The following DCAF1 variants were observed in gnomAD, a reference collection of about 807,000 sequenced individuals.
DCAF1 encodes DDB1- and CUL4-associated factor 1.
Under a neutral mutation model 128.0 loss-of-function variants are expected in DCAF1, and 15 were observed. The ratio of observed to expected loss-of-function variants is 0.12; its 90% confidence interval spans 0.08 to 0.18. The LOEUF (loss-of-function observed/expected upper bound fraction) is 0.18, where lower values mean the gene tolerates loss of function less well. Among genes scored for constraint, DCAF1 ranks in the 10% least tolerant of loss-of-function variants. The pLI is 1.00. For missense variants in DCAF1, 988 were observed against 1,649.5 expected (o/e 0.60, Z 6.95); for synonymous variants, 610 against 603.0 (o/e 1.01, Z -0.17).
intron 22 of DCAF1, 66 bp from the exon 23 acceptor site, chr3:51,412,546 C>G (rs1476432949): frequency 3.1e-6 from 5 of 1,604,424 alleles, no homozygotes; most frequent in Non-Finnish European, 4.2e-6. Flanking sequence ...CACGCCTCAG[C>G]CCTGACTGGT....
chr3:51,485,115 A>G (rs1430508676), intron 2 of DCAF1, among the ~76,000 whole-genome samples: 1 of 152,062 alleles, frequency 6.6e-6, no homozygotes, highest in African/African-American at 2.4e-5. Context: ...GGGTTTCACC[A>G]TGTTGGTCAG....
chr3:51,432,796 A>G (rs1700506845), intron 10 of DCAF1, among the ~76,000 whole-genome samples: 1 of 152,178 alleles, frequency 6.6e-6, no homozygotes, highest in Non-Finnish European at 1.5e-5. Flanking sequence ...TCATTGCACT[A>G]AGACATCGGA....
chr3:51,396,226 TA>T (rs1310544034), downstream of DCAF1: 6 of 303,678 alleles, frequency 2.0e-5, no homozygotes, highest in Non-Finnish European at 3.8e-5. Context: ...GGAAACATGC[TA>T]GAAAACGTGC....
chr3:51,440,768 C>T (rs1701287408), intron 9 of DCAF1, among the ~76,000 whole-genome samples: 1 of 151,880 alleles, frequency 6.6e-6, no homozygotes, highest in African/African-American at 2.4e-5. Flanking sequence ...CAGCCATGCA[C>T]GGTAGCATGT....
At chr3:51,453,117 A>C (rs570500822) in intron 6 of DCAF1, among the ~76,000 whole-genome samples, 1 of 152,310 alleles carries the variant, frequency 6.6e-6, no homozygotes, top group Admixed American at 6.5e-5. Context: ...ATCCATATTA[A>C]AAATTTTTTA....
intron 3 of DCAF1, among the ~76,000 whole-genome samples, chr3:51,473,504 A>AC (rs1559555052): frequency 6.7e-6 from 1 of 149,074 alleles, no homozygotes; most frequent in Non-Finnish European, 1.5e-5. Flanking sequence ...AAAAAAAACA[A>AC]AAAACAAAAC....
the DCAF1 span, among the ~76,000 whole-genome samples, chr3:51,505,032 C>G: frequency 1.3e-5 from 2 of 152,080 alleles, no homozygotes; most frequent in Non-Finnish European, 2.9e-5. Flanking sequence ...GGGGGCAAGG[C>G]AGGTGGATCA....
intron 2 of DCAF1, among the ~76,000 whole-genome samples, chr3:51,488,679 TG>T (rs1379684284): frequency 6.6e-6 from 1 of 152,172 alleles, no homozygotes; most frequent in Non-Finnish European, 1.5e-5. Flanking sequence ...GGCACGCACC[TG>T]TAATTCCAGC....
chr3:51,460,897 T>A (rs1413955502), intron 6 of DCAF1, among the ~76,000 whole-genome samples: 2 of 150,352 alleles, frequency 1.3e-5, no homozygotes, highest in Non-Finnish European at 3.0e-5. Context: ...TTACACCTTA[T>A]ACAAAAATTA....
intron 23 of DCAF1, among the ~76,000 whole-genome samples, chr3:51,411,518 A>C (rs1466295938): frequency 1.3e-5 from 2 of 152,184 alleles, no homozygotes; most frequent in Non-Finnish European, 2.9e-5. Context: ...ATACAACCAC[A>C]AATTAAAATT....
intron 2 of DCAF1, among the ~76,000 whole-genome samples, chr3:51,494,073 G>C (rs1328799486): frequency 2.0e-5 from 3 of 151,418 alleles, no homozygotes; most frequent in African/African-American, 7.3e-5. Context: ...CTTGAGGAAA[G>C]GGGAAAATGG....
At chr3:51,455,587 C>T (rs182383054) in intron 6 of DCAF1, among the ~76,000 whole-genome samples, 1 of 151,616 alleles carries the variant, frequency 6.6e-6, no homozygotes, top group Admixed American at 6.6e-5. Flanking sequence ...CTAGCCTGGG[C>T]AACAGAGTAA....
intron 3 of DCAF1, among the ~76,000 whole-genome samples, chr3:51,477,031 G>A (rs146406207): frequency 0.015 from 2,285 of 151,400 alleles, 34 homozygotes; most frequent in Non-Finnish European, 0.024. Context: ...TTGCAGAGCC[G>A]AGATCACACC....
At chr3:51,422,235 A>AC (rs1699466325) in intron 14 of DCAF1, 72 bp downstream of exon 14, 1 of 712,538 alleles carries the variant, frequency 1.4e-6, no homozygotes, top group African/African-American at 1.7e-5. Context: ...CAGGTAAGTA[A>AC]CCAAGACCAG....
intron 2 of DCAF1, among the ~76,000 whole-genome samples, chr3:51,485,716 TCATTATTGCATTG>T (rs1553655092): frequency 1.3e-5 from 2 of 152,184 alleles, no homozygotes; most frequent in Non-Finnish European, 2.9e-5. Flanking sequence ...AAAGATGATA[TCATTATTGCATTG>T]CATTATTGCA....
chr3:51,448,290 T>C (rs181293968), intron 6 of DCAF1, among the ~76,000 whole-genome samples: 203 of 151,952 alleles, frequency 1.3e-3, no homozygotes, highest in Middle Eastern at 6.8e-3. Context: ...TGTTTCAACT[T>C]CTTTTGTACT....
chr3:51,449,716 T>G (rs1284890219), intron 6 of DCAF1, among the ~76,000 whole-genome samples: 2 of 152,056 alleles, frequency 1.3e-5, no homozygotes, highest in African/African-American at 4.8e-5. Flanking sequence ...CTAAAAGTTC[T>G]TCACCAAGAT....
chr3:51,412,556 T>A, intron 22 of DCAF1, 76 bp from the exon 23 acceptor site: 1 of 1,597,772 alleles, frequency 6.3e-7, no homozygotes, highest in Non-Finnish European at 8.5e-7. Context: ...CCCTGACTGG[T>A]GCCCATGACC....
chr3:51,429,979 C>T lies in DCAF1; in HGVS notation c.1467+54G>A, dbSNP rs142299064. The T allele has an allele frequency of 6.8e-5, 52 of 761,916 alleles. No homozygotes were observed. The East Asian group carries it at 1.2e-3, about 18-fold the overall frequency. 47.2% of individuals were successfully genotyped at this position (761,916 alleles called of 1,614,324 possible). ...TCAAGGGTGTGCCGTTAAAGGGCAG[C>T]CAAGACAACCAGGACCCTCAATCCT... On this transcript the variant is annotated intron_variant, in intron 11 of 24. Transcript: ENST00000684031.
Sources: allele counts gnomAD v4.1 joint callset (sites outside exome capture counted in the v4.1 genomes callset), GRCh38; gene constraint gnomAD v4.1.1; transcripts MANE v1.5; gene names NCBI Gene and HGNC (gene_info 2026-07-23, HGNC 2026-07-21).